HS6ST3: variants seen among roughly 807,000 people sequenced by gnomAD.
The protein encoded by HS6ST3 is heparan-sulfate 6-O-sulfotransferase 3.
A neutral mutation model predicts 36.7 loss-of-function variants in HS6ST3; 12 were observed. The observed-to-expected ratio is 0.33, with a 90% CI of 0.21 to 0.53. The LOEUF (loss-of-function observed/expected upper bound fraction) is 0.53. Among genes scored for constraint, HS6ST3 ranks in the 20% least tolerant of loss-of-function variants. The probability of loss-of-function intolerance (pLI) is 0.95; values close to 1 mark genes in which losing one functional copy is unlikely to be tolerated. For missense variants in HS6ST3, 584 were observed against 640.9 expected, an observed-to-expected ratio of 0.91 and a Z score of 0.96; for synonymous variants, 240 against 257.5, an observed-to-expected ratio of 0.93 and a Z score of 0.65.
chr13:96,139,567 A>AAAAAAAAAAAAAAAAAAT (rs1491242538), intron 1 of HS6ST3, among the ~76,000 whole-genome samples: 6 of 138,750 alleles, frequency 4.3e-5, no homozygotes, highest in African/African-American at 1.7e-4. Context: ...AAAAAAAAAA[A>AAAAAAAAAAAAAAAAAAT]TCCATGTATA....
At chr13:96,546,338 T>G (rs916104716) in intron 1 of HS6ST3, among the ~76,000 whole-genome samples, 1 of 149,132 alleles carries the variant, frequency 6.7e-6, no homozygotes, top group Non-Finnish European at 1.5e-5. Context: ...GTGTTCACAC[T>G]TGTGTGTGAA....
chr13:96,661,606 T>C (rs548703116), intron 1 of HS6ST3, among the ~76,000 whole-genome samples: 46 of 152,158 alleles, frequency 3.0e-4, no homozygotes, highest in Non-Finnish European at 5.4e-4. Flanking sequence ...TCACGGTTAA[T>C]ATTGACATGT....
chr13:96,525,627 A>G (rs183286736), intron 1 of HS6ST3, among the ~76,000 whole-genome samples: 2 of 152,330 alleles, frequency 1.3e-5, no homozygotes, highest in African/African-American at 2.4e-5. Context: ...TTTATTTCAG[A>G]TGATTTCAAA....
intron 1 of HS6ST3, among the ~76,000 whole-genome samples, chr13:96,163,671 A>G (rs116927787): frequency 6.6e-6 from 1 of 152,318 alleles, no homozygotes; most frequent in Non-Finnish European, 1.5e-5. Context: ...TTATAATGAT[A>G]GGTATAATGA....
intron 1 of HS6ST3, among the ~76,000 whole-genome samples, chr13:96,597,246 T>C (rs963204736): frequency 6.6e-6 from 1 of 151,958 alleles, no homozygotes; most frequent in African/African-American, 2.4e-5. Flanking sequence ...CATGCTAGGC[T>C]TAGTACCTGG....
intron 1 of HS6ST3, among the ~76,000 whole-genome samples, chr13:96,765,659 A>G (rs947896556): frequency 5.3e-5 from 8 of 150,948 alleles, no homozygotes; most frequent in Non-Finnish European, 8.8e-5. Flanking sequence ...TCCATCCAAC[A>G]TAGTGTACCT....
intron 1 of HS6ST3, among the ~76,000 whole-genome samples, chr13:96,780,315 A>G (rs1471002031): frequency 6.6e-6 from 1 of 152,188 alleles, no homozygotes; most frequent in Admixed American, 6.5e-5. Flanking sequence ...TCGTGTATTA[A>G]TAGGAACCAG....
At chr13:96,280,256 C>A (rs1594741597) in intron 1 of HS6ST3, among the ~76,000 whole-genome samples, 1 of 152,186 alleles carries the variant, frequency 6.6e-6, no homozygotes, top group South Asian at 2.1e-4. Flanking sequence ...AAGAAATGAG[C>A]CATTTCTTCT....
chr13:96,740,207 C>T (rs751934360), intron 1 of HS6ST3, among the ~76,000 whole-genome samples: 2 of 152,178 alleles, frequency 1.3e-5, no homozygotes, highest in Non-Finnish European at 2.9e-5. Flanking sequence ...TACTGACTCT[C>T]GTTCACTCTC....
intron 1 of HS6ST3, among the ~76,000 whole-genome samples, chr13:96,121,921 T>C (rs2053927337): frequency 6.6e-6 from 1 of 152,126 alleles, no homozygotes. Context: ...AAAAGGGTTA[T>C]CATTACCATG....
At chr13:96,603,712 A>G (rs992073055) in intron 1 of HS6ST3, among the ~76,000 whole-genome samples, 30 of 152,200 alleles carry the variant, frequency 2.0e-4, no homozygotes, top group African/African-American at 7.0e-4. Context: ...GAATATTTTT[A>G]ATGCAATAAT....
intron 1 of HS6ST3, among the ~76,000 whole-genome samples, chr13:96,521,137 T>G (rs1278446640): frequency 6.6e-6 from 1 of 152,244 alleles, no homozygotes; most frequent in Non-Finnish European, 1.5e-5. Context: ...GTTCTGTTTA[T>G]GTGATGAATT....
At chr13:96,724,706 A>G (rs769163525) in intron 1 of HS6ST3, among the ~76,000 whole-genome samples, 1 of 152,208 alleles carries the variant, frequency 6.6e-6, no homozygotes, top group Non-Finnish European at 1.5e-5. Flanking sequence ...GTACATCAAT[A>G]GTTCATTTTT....
chr13:96,286,874 T>C (rs1026429747), intron 1 of HS6ST3, among the ~76,000 whole-genome samples: 1 of 152,144 alleles, frequency 6.6e-6, no homozygotes, highest in Admixed American at 6.5e-5. Context: ...TTAATAATTA[T>C]GCCTTAGGTG....
intron 1 of HS6ST3, among the ~76,000 whole-genome samples, chr13:96,299,008 G>A (rs1479521715): frequency 6.6e-6 from 1 of 152,124 alleles, no homozygotes; most frequent in Non-Finnish European, 1.5e-5. Context: ...AAGTTTAAAG[G>A]TACCCTGTTT....
intron 1 of HS6ST3, among the ~76,000 whole-genome samples, chr13:96,585,405 G>T (rs541837518): frequency 1.3e-3 from 197 of 152,082 alleles, no homozygotes; most frequent in Non-Finnish European, 1.5e-3. Flanking sequence ...ATATTTTTGG[G>T]TATATACACA....
intron 1 of HS6ST3, among the ~76,000 whole-genome samples, chr13:96,097,562 A>C (rs1166199785): frequency 6.6e-6 from 1 of 152,008 alleles, no homozygotes; most frequent in Admixed American, 6.5e-5. Context: ...ATCATTTATA[A>C]ATTCCCTGTT....
intron 1 of HS6ST3, among the ~76,000 whole-genome samples, chr13:96,645,899 T>C (rs2056586957): frequency 6.6e-6 from 1 of 151,966 alleles, no homozygotes; most frequent in Non-Finnish European, 1.5e-5. Context: ...CCTCTAGTTC[T>C]GTTTACCCAG....
chr13:96,481,632 A>G (rs1649726659), intron 1 of HS6ST3, among the ~76,000 whole-genome samples: 1 of 152,130 alleles, frequency 6.6e-6, no homozygotes. Flanking sequence ...TGCCTTCTGC[A>G]GTCAGAAAAC....
Sources: gnomAD v4.1 joint callset for allele counts (sites outside exome capture counted in the v4.1 genomes callset) on GRCh38, gnomAD v4.1.1 for gene constraint, MANE v1.5 for transcripts, NCBI Gene and HGNC (gene_info 2026-07-23, HGNC 2026-07-21) for gene names.